The following C4orf51 variants were observed in gnomAD, a reference collection of about 807,000 sequenced individuals.
The protein encoded by C4orf51 is uncharacterized protein C4orf51.
In C4orf51, 25 loss-of-function variants were observed where a neutral mutation model predicts 25.2. The ratio of observed to expected loss-of-function variants is 0.99; its 90% CI spans 0.72 to 1.39. C4orf51 has a LOEUF of 1.39. Among genes scored for constraint, C4orf51 ranks in the 40% most tolerant of loss-of-function variants. C4orf51 has a pLI of 0.00. For missense variants in C4orf51, 252 were observed against 239.6 expected, an observed-to-expected ratio of 1.05 and a Z score of -0.34; for synonymous variants, 100 against 84.5, an observed-to-expected ratio of 1.18 and a Z score of -1.01.
intron 2 of C4orf51, among the ~76,000 whole-genome samples, chr4:145,714,834 T>A (rs1578976710): frequency 6.6e-6 from 1 of 152,156 alleles, no homozygotes; most frequent in African/African-American, 2.4e-5. Flanking sequence ...CTCAGCTGGG[T>A]ATTTGATGGC....
At position 145,761,783 on chromosome 4, in the gene C4orf51, G is replaced by A. The variant is rs1168865236; in HGVS notation, n.167-9205G>A. On this transcript the variant is annotated intron_variant and non_coding_transcript_variant, in intron 1 of 1. Coordinates refer to the C4orf51 transcript ENST00000510096. The surrounding 1 kb of genome is among the most constrained non-coding windows in gnomAD (Gnocchi z 6.8). ...CCCTTTTTGGCTCTCCCTGCTGACA[G>A]AGCAGTCCCCGCTGACAAGCAGCTC... is the stretch of plus-strand genomic sequence containing the variant. 6.6e-5 allele frequency among the ~76,000 whole-genome samples: 10 copies of A among 152,304 alleles called. No individual in the cohort carries two copies. In the East Asian group the frequency reaches 1.9e-3, roughly 29 times the overall value.
chr4:145,768,293 T>C lies in C4orf51; in HGVS notation n.167-2695T>C, dbSNP rs142633370. Reference sequence around the variant, plus strand: ...AATTTTCCTGCCTCAGCCTCCCAAGTAGCTGGGATTACAGGTGTGTGCCAT... The same window carrying C: ...AATTTTCCTGCCTCAGCCTCCCAAGCAGCTGGGATTACAGGTGTGTGCCAT... On this transcript the variant is annotated intron_variant and non_coding_transcript_variant, in intron 1 of 1. Coordinates refer to the C4orf51 transcript ENST00000510096. Among the ~76,000 whole-genome samples the C allele has an allele frequency of 5.3e-3, 813 of 152,252 alleles. 12 individuals are homozygous for C. Among genetic ancestry groups the C allele is most frequent in the African/African-American group, 0.019 (784 of 41,536 alleles).
chr4:145,758,183 C>T (rs923248501), downstream of C4orf51: 1 of 152,106 alleles, frequency 6.6e-6, no homozygotes, highest in Non-Finnish European at 1.5e-5. Context: ...TTATAATTTA[C>T]CAGAAAGATT....
At chr4:145,718,378 A>G (rs947589385) in intron 2 of C4orf51, among the ~76,000 whole-genome samples, 3 of 152,262 alleles carry the variant, frequency 2.0e-5, no homozygotes, top group Non-Finnish European at 4.4e-5. Flanking sequence ...CTAGGAAAAT[A>G]TTGACAAGAA....
chr4:145,758,536 C>A (rs973562903), downstream of C4orf51: 2 of 152,318 alleles, frequency 1.3e-5, no homozygotes, highest in East Asian at 3.9e-4. Context: ...ACATTATTAG[C>A]CAAGTGGCAC....
At chr4:145,727,525 T>C (rs1483028233) in intron 3 of C4orf51, among the ~76,000 whole-genome samples, 1 of 152,078 alleles carries the variant, frequency 6.6e-6, no homozygotes, top group African/African-American at 2.4e-5. Flanking sequence ...CATAATTATT[T>C]GTTACGATTT....
At chr4:145,779,235 G>T in the C4orf51 span, 1 of 1,155,470 alleles carries the variant, frequency 8.7e-7, no homozygotes, top group Non-Finnish European at 1.2e-6. Flanking sequence ...CTTTAAACAT[G>T]CCAGAGAAAA....
downstream of C4orf51, among the ~76,000 whole-genome samples, chr4:145,773,452 T>A (rs1426085436): frequency 1.3e-5 from 2 of 152,172 alleles, no homozygotes; most frequent in African/African-American, 4.8e-5. Flanking sequence ...GTCAGGGAAA[T>A]TCCCCTTCCC....
chr4:145,764,169 T>C (rs533532853), intron 1 of C4orf51, among the ~76,000 whole-genome samples: 2 of 152,362 alleles, frequency 1.3e-5, no homozygotes, highest in Admixed American at 1.3e-4. Context: ...AATTAGTAAT[T>C]ATGCCTTGAA....
chr4:145,763,072 C>A lies in C4orf51; in HGVS notation n.167-7916C>A. On this transcript the variant is annotated intron_variant and non_coding_transcript_variant, in intron 1 of 1. Transcript: ENST00000510096. This position sits in a 1 kb window ranked among gnomAD's most constrained non-coding sequence, Gnocchi z 4.6. ...AGGTCAGGTGCACACACAACCCCTACGCCAAGCTGGGCCTTACCTAGAGGA... is the reference window on the plus strand; with the variant it reads ...AGGTCAGGTGCACACACAACCCCTAAGCCAAGCTGGGCCTTACCTAGAGGA... The A allele has an allele frequency of 2.6e-6, 4 of 1,535,514 alleles. No homozygotes were observed. In the South Asian group the frequency reaches 4.8e-5, roughly 18 times the overall value.
chr4:145,729,583 G>A (rs537476752), intron 4 of C4orf51, among the ~76,000 whole-genome samples: 22 of 152,152 alleles, frequency 1.4e-4, no homozygotes, highest in Non-Finnish European at 2.5e-4. Context: ...TTACAGGCGT[G>A]AGCCACCATG....
At position 145,680,335 on chromosome 4, in the gene C4orf51, C is replaced by T. The variant is rs547659053; in HGVS notation, c.132C>T (p.Ser44=). 16 of 1,613,962 alleles carry T rather than the reference C, an allele frequency of 9.9e-6. No individual in the cohort carries two copies. Among genetic ancestry groups the T allele is most frequent in the Middle Eastern group, 1.6e-4 (1 of 6,062 alleles). ...ATGAAACACGATGGTCAGATTCTTC[C>T]GTGACAACATACACAGGCAGTTACC... is the stretch of plus-strand genomic sequence containing the variant. ...WQDETRWSDS[S]VTTYTGSYRK... is the part of the protein sequence containing the mutation. The change falls in exon 1 of 6, where the codon TCC becomes TCT. Residue 44 remains serine, a synonymous_variant. Coordinates refer to ENST00000438731, the MANE Select transcript of C4orf51 (RefSeq NM_001080531.3).
chr4:145,689,452 C>A (rs1729394697), intron 1 of C4orf51, among the ~76,000 whole-genome samples: 1 of 151,842 alleles, frequency 6.6e-6, no homozygotes, highest in Middle Eastern at 3.4e-3. Flanking sequence ...TGTAAAAACT[C>A]TTACAAATTA....
intron 2 of C4orf51, 89 bp downstream of exon 2, chr4:145,696,721 C>A: frequency 1.0e-6 from 1 of 954,474 alleles, no homozygotes; most frequent in Non-Finnish European, 1.6e-6. Flanking sequence ...TCTCACTTTA[C>A]TGAGATATGA....
At chr4:145,729,645 C>T (rs1441792411) in intron 4 of C4orf51, among the ~76,000 whole-genome samples, 1 of 152,118 alleles carries the variant, frequency 6.6e-6, no homozygotes, top group Non-Finnish European at 1.5e-5. Context: ...TGCTTCCTTC[C>T]TCCTGGCACC....
rs1488940840 is a variant in C4orf51 at position 145,762,240 on chromosome 4, G to A, written n.167-8748G>A. Among the ~76,000 whole-genome samples, 1 of 152,118 alleles carries A rather than the reference G, an allele frequency of 6.6e-6. No individual in the cohort carries two copies. The highest frequency in any genetic ancestry group is 2.4e-5 in the African/African-American group (1 of 41,414). On this transcript the variant is annotated intron_variant and non_coding_transcript_variant, in intron 1 of 1. Coordinates refer to the C4orf51 transcript ENST00000510096. This position sits in a 1 kb window ranked among gnomAD's most constrained non-coding sequence, Gnocchi z 4.9. Reference sequence around the variant, plus strand: ...ACTCGTAAAACATATCTCCCTACAGGACTAGCTCTTTGTCAGGAAAGGAAG... The same window carrying A: ...ACTCGTAAAACATATCTCCCTACAGAACTAGCTCTTTGTCAGGAAAGGAAG...
At chr4:145,731,078 A>G (rs184309582) in intron 5 of C4orf51, among the ~76,000 whole-genome samples, 23 of 152,352 alleles carry the variant, frequency 1.5e-4, no homozygotes, top group Admixed American at 1.5e-3. Flanking sequence ...TGTGTGGTCA[A>G]CCAGGGACAT....
At position 145,711,589 on chromosome 4, in the gene C4orf51, T is replaced by C. The variant is rs903279473; in HGVS notation, c.307+14957T>C. Among the ~76,000 whole-genome samples the C allele has an allele frequency of 2.0e-5, 3 of 151,996 alleles. No homozygotes were observed. In the East Asian group the frequency reaches 5.8e-4, roughly 29 times the overall value. ...TAGTGTTCCCCAAATCCCATAGCCT[T>C]TCCTCATTTCTTTTCATTCATTTTT... On this transcript the variant is annotated intron_variant, in intron 2 of 5. Coordinates refer to ENST00000438731, the MANE Select transcript of C4orf51 (RefSeq NM_001080531.3).
chr4:145,728,434 A>G (rs1021166143), intron 3 of C4orf51, among the ~76,000 whole-genome samples: 4 of 152,110 alleles, frequency 2.6e-5, no homozygotes, highest in Non-Finnish European at 5.9e-5. Context: ...TTCATCATTC[A>G]TAGTTCTTTC....
Sources: gnomAD v4.1 joint callset for allele counts (sites outside exome capture counted in the v4.1 genomes callset) on GRCh38, gnomAD v4.1.1 for gene constraint, Gnocchi (gnomAD v3.1) non-coding constraint, MANE v1.5 for transcripts, NCBI Gene and HGNC (gene_info 2026-07-23, HGNC 2026-07-21) for gene names.